The following GLG1 variants were observed in gnomAD, a reference collection of about 807,000 sequenced individuals.
The protein encoded by GLG1 is Golgi apparatus protein 1.
Under a neutral mutation model 160.5 loss-of-function variants are expected in GLG1, and 38 were observed. That is an observed-to-expected ratio of 0.24 (90% confidence interval 0.18 to 0.31). The LOEUF (loss-of-function observed/expected upper bound fraction) is 0.31, where lower values mean the gene tolerates loss of function less well. GLG1 is among the 10% of genes least tolerant of loss of function. The pLI, the probability that GLG1 is intolerant of heterozygous loss-of-function variation, is 1.00. For missense variants in GLG1, 1,373 were observed against 1,505.2 expected (o/e 0.91, Z 1.45); for synonymous variants, 644 against 543.4 (o/e 1.19, Z -2.57).
At chr16:74,456,791 A>G (rs1348879470) in intron 24 of GLG1, 36 bp from the exon 25 acceptor site, 2 of 1,240,800 alleles carry the variant, frequency 1.6e-6, no homozygotes, top group Middle Eastern at 1.9e-4. Context: ...AGAACCTGAA[A>G]CTGTACAGAA....
intron 1 of GLG1, among the ~76,000 whole-genome samples, chr16:74,556,032 TCTCA>T (rs1331250165): frequency 1.3e-5 from 2 of 151,892 alleles, no homozygotes; most frequent in East Asian, 3.9e-4. Flanking sequence ...TAGAGAAGGG[TCTCA>T]CTATGTTGCC....
At chr16:74,483,229 TAGGGCAATC>T in intron 9 of GLG1, 105 bp from the exon 10 acceptor site, 1 of 693,362 alleles carries the variant, frequency 1.4e-6, no homozygotes, top group Non-Finnish European at 2.5e-6. Context: ...GTTATTTTCT[TAGGGCAATC>T]AGATTTATTT....
intron 1 of GLG1, among the ~76,000 whole-genome samples, chr16:74,592,582 C>T (rs562987656): frequency 1.3e-5 from 2 of 152,200 alleles, no homozygotes; most frequent in African/African-American, 4.8e-5. Flanking sequence ...TCACCTATAA[C>T]AACAAAGGGG....
At position 74,483,060 on chromosome 16, in the gene GLG1, G is replaced by T; in HGVS notation, c.1636C>A (p.Leu546Ile). The change falls in exon 10 of 26, where the codon CTC becomes ATC. Residue 546 changes from leucine (L) to isoleucine (I), a missense_variant. By Grantham distance (5) the Leu-to-Ile change is conservative (BLOSUM62 2). Coordinates refer to ENST00000422840, the MANE Select transcript of GLG1 (RefSeq NM_001145667.2). ...GAGATGAAATACTGCAGCTCTAAGA[G>T]ACGGTGTTCACAGTCTTCTACCATC... is the stretch of plus-strand genomic sequence containing the variant. The part of the protein sequence containing the change: ...EKMVEDCEHR[L>I]LELQYFISRD... The T allele has an allele frequency of 6.2e-7, 1 of 1,609,470 alleles. No homozygotes were observed. The highest frequency in any genetic ancestry group is 8.5e-7 in the Non-Finnish European group (1 of 1,175,864).
At chr16:74,502,996 C>A (rs1485849487) in intron 4 of GLG1, among the ~76,000 whole-genome samples, 16 of 151,702 alleles carry the variant, frequency 1.1e-4, no homozygotes, top group Admixed American at 1.0e-3. Flanking sequence ...CACTTGAGGT[C>A]AGGAGTTCAA....
intron 9 of GLG1, among the ~76,000 whole-genome samples, chr16:74,483,526 A>G (rs1429549599): frequency 6.6e-6 from 1 of 152,150 alleles, no homozygotes; most frequent in Non-Finnish European, 1.5e-5. Flanking sequence ...CCATCATTTC[A>G]TTTGTAAATA....
At chr16:74,591,282 C>G (rs1018355128) in intron 1 of GLG1, among the ~76,000 whole-genome samples, 2 of 147,412 alleles carry the variant, frequency 1.4e-5, no homozygotes, top group Non-Finnish European at 3.0e-5. Context: ...CGTGAGCCAA[C>G]ATCGTGCCAC....
At chr16:74,557,778 G>A (rs1406681228) in intron 1 of GLG1, among the ~76,000 whole-genome samples, 1 of 151,820 alleles carries the variant, frequency 6.6e-6, no homozygotes, top group Non-Finnish European at 1.5e-5. Flanking sequence ...TAGGGTTGGG[G>A]TTTCACCATG....
chr16:74,480,277 G>A lies in GLG1; in HGVS notation c.1791C>T (p.Tyr597=). 1 of 1,612,600 alleles carries A rather than the reference G, an allele frequency of 6.2e-7. No individual in the cohort carries two copies. The highest frequency in any genetic ancestry group is 8.5e-7 in the Non-Finnish European group (1 of 1,178,556). The part of the protein sequence containing the change: ...MPQGAVFSCL[Y]RHAYRTEEQG... Reference sequence around the variant, plus strand: ...GTTCCTCAGTGCGGTAGGCGTGTCTGTATAAACAAGAGAACACAGCTCCCT... The same window carrying A: ...GTTCCTCAGTGCGGTAGGCGTGTCTATATAAACAAGAGAACACAGCTCCCT... The change falls in exon 11 of 26, where the codon TAC becomes TAT. Residue 597 remains tyrosine, a synonymous_variant. Transcript: ENST00000422840.
At chr16:74,516,808 T>C (rs988090595) in intron 2 of GLG1, among the ~76,000 whole-genome samples, 2 of 152,080 alleles carry the variant, frequency 1.3e-5, no homozygotes, top group African/African-American at 4.8e-5. Flanking sequence ...GATAGACTGC[T>C]AGCAAGACTA....
intron 25 of GLG1, among the ~76,000 whole-genome samples, chr16:74,454,083 C>A (rs1433266626): frequency 6.6e-6 from 1 of 151,982 alleles, no homozygotes; most frequent in Non-Finnish European, 1.5e-5. Flanking sequence ...CTGTGTTGGG[C>A]AGGCTGGTCT....
chr16:74,508,158 C>T (rs2016680537), intron 3 of GLG1, among the ~76,000 whole-genome samples: 1 of 151,986 alleles, frequency 6.6e-6, no homozygotes, highest in Non-Finnish European at 1.5e-5. Context: ...GTGGCCCTGA[C>T]TTAATTCATC....
rs778399502 is a variant in GLG1, at chr16:74,606,773, C to G, written c.322G>C (p.Gly108Arg). Residue 108 changes from glycine (G) to arginine (R), a missense_variant, in exon 1 of 26, where the codon GGG becomes CGG. Transcript: ENST00000422840. ...TCTTCCTCCGCCAGCTTCCAGCCCC[C>G]ACCAGCCCCCGCTCCTCCCCGCCGG... ...PARRGGAGAG[G>R]GWKLAEEESC... 98 of 1,611,390 alleles carry G rather than the reference C, an allele frequency of 6.1e-5. No individual in the cohort carries two copies. The highest frequency in any genetic ancestry group is 8.3e-5 in the Non-Finnish European group (98 of 1,178,848).
rs780042571 is a variant in GLG1 at position 74,485,920 on chromosome 16, G to A, written c.1450-3C>T. The A allele has an allele frequency of 3.0e-5, 48 of 1,607,868 alleles. 2 individuals are homozygous for A. In the South Asian group the frequency reaches 5.2e-4, roughly 17 times the overall value. On this transcript the variant is annotated splice_region_variant and splice_polypyrimidine_tract_variant and intron_variant, in intron 8 of 25. Coordinates refer to ENST00000422840, the MANE Select transcript of GLG1 (RefSeq NM_001145667.2). ...GTCTCCTGAATCAGTGTTTGAAGCT[G>A]AATTAAAATAAATTAAGAAGGAAGA...
chr16:74,581,444 T>C (rs1957934945), intron 1 of GLG1, among the ~76,000 whole-genome samples: 1 of 150,936 alleles, frequency 6.6e-6, no homozygotes, highest in South Asian at 2.1e-4. Context: ...AGTAGTCAAA[T>C]TCACAGAGAT....
At chr16:74,599,630 C>A (rs181192806) in intron 1 of GLG1, among the ~76,000 whole-genome samples, 1 of 151,938 alleles carries the variant, frequency 6.6e-6, no homozygotes, top group South Asian at 2.1e-4. Context: ...TTTCGGAGGC[C>A]GAGGTGGGCA....
rs1163986502 is a variant in GLG1, at chr16:74,606,831, C to A, written c.264G>T (p.Pro88=). 22 of 1,601,840 alleles carry A rather than the reference C, an allele frequency of 1.4e-5. No individual in the cohort carries two copies. Among genetic ancestry groups the A allele is most frequent in the Non-Finnish European group, 1.8e-5 (21 of 1,174,496 alleles). The change falls in exon 1 of 26, where the codon CCG becomes CCT. Residue 88 remains proline (P), a synonymous_variant. Transcript: ENST00000422840. ...QQQQQQQPQP[P]QPPFPAGGPP... ...GCCCACCCGCCGGGAAAGGCGGCTG[C>A]GGCGGCTGAGGCTGCTGTTGCTGTT... is the stretch of plus-strand genomic sequence containing the variant.
At chr16:74,581,515 G>T (rs1010003480) in intron 1 of GLG1, among the ~76,000 whole-genome samples, 1 of 142,222 alleles carries the variant, frequency 7.0e-6, no homozygotes, top group African/African-American at 2.6e-5. Flanking sequence ...TAATGATTAT[G>T]GAGATTCAAT....
chr16:74,521,513 G>A (rs527437842), intron 2 of GLG1, among the ~76,000 whole-genome samples: 4 of 152,152 alleles, frequency 2.6e-5, no homozygotes, highest in South Asian at 2.1e-4. Context: ...AATGTGAAGT[G>A]TAAGAGGAGA....
Sources: gnomAD v4.1 joint callset for allele counts (sites outside exome capture counted in the v4.1 genomes callset) on GRCh38, gnomAD v4.1.1 for gene constraint, MANE v1.5 for transcripts, NCBI Gene and HGNC (gene_info 2026-07-23, HGNC 2026-07-21) for gene names.